The following CNOT1 variants were observed in gnomAD, a reference collection of about 807,000 sequenced individuals.
CNOT1 encodes CCR4-NOT transcription complex subunit 1.
CNOT1 carries 15 observed loss-of-function variants against 273.8 expected under a neutral mutation model. That is an observed-to-expected ratio of 0.05 (90% CI 0.04 to 0.08). The LOEUF is 0.08. Among genes scored for constraint, CNOT1 ranks in the 10% least tolerant of loss-of-function variants. CNOT1 has a pLI of 1.00. For missense variants in CNOT1, 1,644 were observed against 2,912.2 expected (o/e 0.56, Z 10.02); for synonymous variants, 1,022 against 1,005.5 (o/e 1.02, Z -0.31).
At chr16:58,606,050 T>C (rs1055999606) in intron 1 of CNOT1, among the ~76,000 whole-genome samples, 52 of 152,122 alleles carry the variant, frequency 3.4e-4, no homozygotes, top group Admixed American at 1.5e-3. Flanking sequence ...AATAATATAC[T>C]ACAAGTCAAC....
At chr16:58,612,213 T>C (rs1406877930) in intron 1 of CNOT1, among the ~76,000 whole-genome samples, 1 of 152,132 alleles carries the variant, frequency 6.6e-6, no homozygotes, top group African/African-American at 2.4e-5. Flanking sequence ...TTGCTCTAAA[T>C]TTAAATATCA....
chr16:58,548,157 C>T (rs943805731), intron 25 of CNOT1, among the ~76,000 whole-genome samples: 7 of 152,136 alleles, frequency 4.6e-5, no homozygotes, highest in Non-Finnish European at 8.8e-5. Context: ...CTTCAGTATA[C>T]CCAGGTCATT....
chr16:58,550,759 C>G (rs1262661108), intron 24 of CNOT1, among the ~76,000 whole-genome samples: 1 of 152,138 alleles, frequency 6.6e-6, no homozygotes, highest in East Asian at 1.9e-4. Context: ...TACTGTCTTA[C>G]CATGTAATCT....
At chr16:58,581,075 T>C (rs1374626758) in intron 11 of CNOT1, among the ~76,000 whole-genome samples, 1 of 49,562 alleles carries the variant, frequency 2.0e-5, no homozygotes, top group Non-Finnish European at 4.3e-5. Context: ...AAGACATTTC[T>C]GAGCCAATTA....
intron 2 of CNOT1, 106 bp downstream of exon 2, chr16:58,599,130 A>G (rs2152007081): frequency 1.4e-6 from 2 of 1,473,926 alleles, no homozygotes; most frequent in Non-Finnish European, 1.9e-6. Flanking sequence ...ATTAAGGGGC[A>G]AAAGTTAGTT....
At chr16:58,576,666 G>C in intron 13 of CNOT1, 84 bp from the exon 14 acceptor site, 2 of 1,566,210 alleles carry the variant, frequency 1.3e-6, no homozygotes, top group East Asian at 4.7e-5. Context: ...AATTTTGCTA[G>C]AACTTGTATA....
intron 1 of CNOT1, among the ~76,000 whole-genome samples, chr16:58,622,261 C>G (rs2043362187): frequency 7.1e-6 from 1 of 140,884 alleles, no homozygotes; most frequent in Non-Finnish European, 1.5e-5. Flanking sequence ...TTGCAGTGAG[C>G]CGAGATGGCG....
intron 46 of CNOT1, among the ~76,000 whole-genome samples, chr16:58,524,906 A>C (rs974787592): frequency 6.6e-6 from 1 of 152,224 alleles, no homozygotes; most frequent in African/African-American, 2.4e-5. Context: ...AAGGGACTTT[A>C]AGTTTATTTT....
At chr16:58,555,716 AC>A in intron 20 of CNOT1, 67 bp downstream of exon 20, 3 of 1,594,778 alleles carry the variant, frequency 1.9e-6, no homozygotes, top group Non-Finnish European at 2.6e-6. Context: ...ATTTCTAAAA[AC>A]ATTGAAAAGG....
At chr16:58,551,488 T>C in intron 23 of CNOT1, 101 bp downstream of exon 23, 1 of 1,352,584 alleles carries the variant, frequency 7.4e-7, no homozygotes, top group Non-Finnish European at 1.0e-6. Context: ...TATATCTTTT[T>C]TAGTAGGCAT....
chr16:58,627,217 G>A (rs1361638388), intron 1 of CNOT1, among the ~76,000 whole-genome samples: 2 of 151,854 alleles, frequency 1.3e-5, no homozygotes, highest in East Asian at 3.9e-4. Context: ...GACCATCCTG[G>A]CCAACATGGT....
intron 1 of CNOT1, among the ~76,000 whole-genome samples, chr16:58,618,617 C>T (rs751892097): frequency 2.7e-5 from 4 of 150,766 alleles, no homozygotes; most frequent in Non-Finnish European, 5.9e-5. Context: ...TTGGCGCACA[C>T]TCCAGCCTGG....
At chr16:58,553,373 T>G (rs1387213700) in intron 22 of CNOT1, among the ~76,000 whole-genome samples, 1 of 152,212 alleles carries the variant, frequency 6.6e-6, no homozygotes, top group Non-Finnish European at 1.5e-5. Context: ...AAGTCTTATG[T>G]GTAACAGTTT....
intron 45 of CNOT1, among the ~76,000 whole-genome samples, chr16:58,525,696 A>T (rs2039560762): frequency 6.6e-6 from 1 of 152,250 alleles, no homozygotes; most frequent in African/African-American, 2.4e-5. Context: ...AACTTTCCAA[A>T]ATATCCTATA....
Position 58,547,270 on chromosome 16 carries a change from T to C in CNOT1, c.3666A>G (p.Leu1222=), listed in dbSNP as rs553522316. The part of the protein sequence containing the change: ...HTDLDVKSLL[L]EAYVKGQQEL... Reference sequence around the variant, plus strand: ...CTTGTTGTCCTTTAACATAAGCCTCTAGCAGCAATGATTTCACATCCAAGT... The same window carrying C: ...CTTGTTGTCCTTTAACATAAGCCTCCAGCAGCAATGATTTCACATCCAAGT... The change falls in exon 27 of 49, where the codon CTA becomes CTG. Residue 1222 remains leucine, a synonymous_variant. Coordinates refer to ENST00000317147, the MANE Select transcript of CNOT1 (RefSeq NM_016284.5). This position sits in a 1 kb window ranked among gnomAD's most constrained non-coding sequence, Gnocchi z 4.0. 2.4e-5 allele frequency: 38 copies of C among 1,613,894 alleles called. No homozygotes were observed. In the South Asian group the frequency reaches 4.1e-4, roughly 17 times the overall value.
chr16:58,582,642 A>G, intron 10 of CNOT1, 151 bp downstream of exon 10: 1 of 546,702 alleles, frequency 1.8e-6, no homozygotes, highest in South Asian at 2.6e-5. Flanking sequence ...AAAAATTTAA[A>G]TTTGGTTACG....
chr16:58,537,437 G>T (rs2039960936), intron 38 of CNOT1, among the ~76,000 whole-genome samples: 1 of 152,128 alleles, frequency 6.6e-6, no homozygotes, highest in Non-Finnish European at 1.5e-5. Flanking sequence ...GCTACTTCTT[G>T]CCCAAAAAAC....
At chr16:58,575,262 A>G in intron 14 of CNOT1, 133 bp from the exon 15 acceptor site, 4 of 1,328,250 alleles carry the variant, frequency 3.0e-6, no homozygotes, top group Non-Finnish European at 4.0e-6. Flanking sequence ...GTCACAATTT[A>G]AACAGCTAAG....
chr16:58,597,469 T>G (rs56132186), intron 2 of CNOT1: 39,573 of 190,622 alleles, frequency 0.21, 4,546 homozygotes, highest in East Asian at 0.32. Flanking sequence ...AGTGAAACTC[T>G]GTCTCAAAAA....
Sources: allele counts gnomAD v4.1 joint callset (sites outside exome capture counted in the v4.1 genomes callset), GRCh38; gene constraint gnomAD v4.1.1; non-coding constraint Gnocchi (gnomAD v3.1); transcripts MANE v1.5; gene names NCBI Gene and HGNC (gene_info 2026-07-23, HGNC 2026-07-21).